UNC13C: variants seen among roughly 807,000 people sequenced by gnomAD.
The protein encoded by UNC13C is protein unc-13 homolog C.
Under a neutral mutation model 245.4 loss-of-function variants are expected in UNC13C, and 174 were observed. The observed-to-expected ratio is 0.71, with a 90% CI of 0.63 to 0.80. UNC13C has a LOEUF of 0.80. Ranked by LOEUF, UNC13C falls within the 30% of genes least tolerant of loss-of-function variation. The pLI is 0.00. For missense variants in UNC13C, 2,829 were observed against 2,602.9 expected (o/e 1.09, Z -1.89); for synonymous variants, 992 against 895.1 (o/e 1.11, Z -1.93).
chr15:54,431,857 A>C (rs1384823660), intron 19 of UNC13C, among the ~76,000 whole-genome samples: 3 of 151,648 alleles, frequency 2.0e-5, no homozygotes, highest in Non-Finnish European at 4.4e-5. Flanking sequence ...ATCAATTTTT[A>C]CATTTCAAAA....
chr15:54,505,583 T>C (rs550828025), intron 22 of UNC13C, among the ~76,000 whole-genome samples: 10 of 152,300 alleles, frequency 6.6e-5, no homozygotes, highest in Admixed American at 1.3e-4. Flanking sequence ...TATTGTGTGA[T>C]AGTGGTTTAC....
intron 29 of UNC13C, among the ~76,000 whole-genome samples, chr15:54,563,474 C>T (rs1897377260): frequency 1.3e-5 from 2 of 151,932 alleles, no homozygotes; most frequent in African/African-American, 2.4e-5. Context: ...TACATTAGGC[C>T]AGTCTAAGTA....
In UNC13C at chr15:54,300,227, G is replaced by C; in HGVS notation, c.4122G>C (p.Leu1374Phe). 6.2e-7 allele frequency: 1 copy of C among 1,600,164 alleles called. No homozygotes were observed. Among genetic ancestry groups the C allele is most frequent in the Non-Finnish European group, 8.5e-7 (1 of 1,172,760 alleles). The change falls in exon 13 of 33, where the codon TTG becomes TTC. Residue 1374 changes from leucine (L) to phenylalanine (F), a missense_variant. Transcript: ENST00000260323. ...GCTTTTAGAATCTGTTCCATTACTT[G>C]ACTGAAGTGAAATCTAATGGTGGAG... ...TCLHENLFHY[L>F]TEVKSNGGVK...
the UNC13C span, among the ~76,000 whole-genome samples, chr15:53,960,295 C>G: frequency 6.6e-6 from 1 of 151,206 alleles, no homozygotes; most frequent in South Asian, 2.1e-4. Context: ...CTAGAGCAGA[C>G]TAACCAAGTC....
intron 26 of UNC13C, among the ~76,000 whole-genome samples, chr15:54,541,737 A>G (rs564966528): frequency 6.6e-6 from 1 of 152,294 alleles, no homozygotes; most frequent in South Asian, 2.1e-4. Context: ...TCTAAAGAAT[A>G]GCTTGTATAG....
At chr15:54,490,877 C>T (rs1378959386) in intron 19 of UNC13C, among the ~76,000 whole-genome samples, 14 of 152,030 alleles carry the variant, frequency 9.2e-5, no homozygotes, top group Non-Finnish European at 1.9e-4. Context: ...TTCCTCTCTC[C>T]CACTAAATAC....
intron 19 of UNC13C, among the ~76,000 whole-genome samples, chr15:54,467,285 T>G (rs1892226521): frequency 6.6e-6 from 1 of 151,782 alleles, no homozygotes; most frequent in African/African-American, 2.4e-5. Flanking sequence ...TGAAACTAAT[T>G]ATGATAATGA....
the UNC13C span, among the ~76,000 whole-genome samples, chr15:53,925,793 C>A: frequency 6.6e-6 from 1 of 152,046 alleles, no homozygotes; most frequent in African/African-American, 2.4e-5. Context: ...TCTCCGAAAT[C>A]TATTTTTAAA....
intron 4 of UNC13C, among the ~76,000 whole-genome samples, chr15:54,185,248 T>C (rs1450456514): frequency 6.6e-6 from 1 of 152,108 alleles, no homozygotes; most frequent in Non-Finnish European, 1.5e-5. Context: ...GTGGTTTCTT[T>C]TGCTGTGCAG....
Position 54,567,782 on chromosome 15 carries a change from ATT to A in UNC13C, c.5959-10_5959-9del. The A allele has an allele frequency of 6.5e-7, 1 of 1,542,030 alleles. No homozygotes were observed. The highest frequency in any genetic ancestry group is 1.2e-5 in the South Asian group (1 of 82,302). ...TACTTCTCTCTAAATGCCTCGGCTT[ATT>A]TTTTTTTCTTTGTAGCAATACTTTC... is the stretch of plus-strand genomic sequence containing the variant. On this transcript the variant is annotated splice_polypyrimidine_tract_variant and intron_variant, in intron 29 of 32. Transcript: ENST00000260323.
intron 4 of UNC13C, among the ~76,000 whole-genome samples, chr15:54,197,175 T>C (rs1368630585): frequency 6.6e-6 from 1 of 152,162 alleles, no homozygotes; most frequent in Non-Finnish European, 1.5e-5. Flanking sequence ...AACAAATTAT[T>C]AGTTTTAATA....
intron 28 of UNC13C, among the ~76,000 whole-genome samples, chr15:54,553,212 AAT>A (rs1316015860): frequency 8.7e-6 from 1 of 114,904 alleles, no homozygotes; most frequent in Non-Finnish European, 1.6e-5. Context: ...TCTATATTAC[AAT>A]ATATATTATA....
chr15:54,450,267 G>A (rs1186489969), intron 19 of UNC13C, among the ~76,000 whole-genome samples: 1 of 152,192 alleles, frequency 6.6e-6, no homozygotes, highest in African/African-American at 2.4e-5. Flanking sequence ...CTCAAACACT[G>A]TGCTGGGAGA....
At chr15:54,343,403 G>A (rs760037472) in intron 17 of UNC13C, among the ~76,000 whole-genome samples, 1 of 151,874 alleles carries the variant, frequency 6.6e-6, no homozygotes, top group Non-Finnish European at 1.5e-5. Context: ...AAAGTGCTGC[G>A]ATTACAGGCG....
At chr15:54,347,682 T>C (rs1368401141) in intron 17 of UNC13C, among the ~76,000 whole-genome samples, 1 of 152,190 alleles carries the variant, frequency 6.6e-6, no homozygotes, top group Non-Finnish European at 1.5e-5. Context: ...GATAGATGAA[T>C]GCAGAGGAAA....
At chr15:54,445,784 C>G (rs990600524) in intron 19 of UNC13C, among the ~76,000 whole-genome samples, 8 of 152,178 alleles carry the variant, frequency 5.3e-5, no homozygotes, top group Admixed American at 5.2e-4. Flanking sequence ...TATGCAGAAG[C>G]TCTTTAGTTT....
At chr15:54,352,703 T>C (rs2039011975) in intron 17 of UNC13C, among the ~76,000 whole-genome samples, 1 of 152,124 alleles carries the variant, frequency 6.6e-6, no homozygotes, top group Non-Finnish European at 1.5e-5. Context: ...GACTAGATTG[T>C]AATAATCCAG....
intron 2 of UNC13C, among the ~76,000 whole-genome samples, chr15:54,079,155 G>T (rs1421909001): frequency 6.6e-6 from 1 of 151,996 alleles, no homozygotes; most frequent in Non-Finnish European, 1.5e-5. Context: ...TCTCTATTCT[G>T]TTCCATTGAT....
chr15:54,208,335 G>T (rs561649858), intron 4 of UNC13C, among the ~76,000 whole-genome samples: 5 of 152,170 alleles, frequency 3.3e-5, no homozygotes, highest in African/African-American at 1.2e-4. Context: ...ATTTTGAGGG[G>T]TCCAATAGCC....
Sources: allele counts gnomAD v4.1 joint callset (sites outside exome capture counted in the v4.1 genomes callset), GRCh38; gene constraint gnomAD v4.1.1; transcripts MANE v1.5; gene names NCBI Gene and HGNC (gene_info 2026-07-23, HGNC 2026-07-21).